Variants in NEO1 observed in about 807,000 individuals in gnomAD.
The protein encoded by NEO1 is neogenin.
A neutral mutation model predicts 159.7 loss-of-function variants in NEO1; 63 were observed. That is an observed-to-expected ratio of 0.39 (90% confidence interval 0.32 to 0.49). The LOEUF is 0.49. Ranked by LOEUF, NEO1 falls within the 20% of genes least tolerant of loss-of-function variation. The probability of loss-of-function intolerance (pLI) is 0.85; values close to 1 mark genes in which losing one functional copy is unlikely to be tolerated. For missense variants in NEO1, 1,615 were observed against 1,831.0 expected (o/e 0.88, Z 2.15); for synonymous variants, 633 against 662.0 (o/e 0.96, Z 0.67).
intron 7 of NEO1, among the ~76,000 whole-genome samples, chr15:73,192,232 G>A (rs953964198): frequency 5.3e-5 from 8 of 151,954 alleles, no homozygotes; most frequent in African/African-American, 1.7e-4. Context: ...GAGCCTATGC[G>A]TGTGTGTTTT....
intron 5 of NEO1, among the ~76,000 whole-genome samples, chr15:73,165,093 A>ATTTT (rs67749428): frequency 9.3e-5 from 12 of 129,098 alleles, no homozygotes; most frequent in Non-Finnish European, 1.1e-4. Context: ...TGCCTGGCCA[A>ATTTT]TTTTTTTTTT....
chr15:73,067,952 G>T (rs1057397014), intron 1 of NEO1, among the ~76,000 whole-genome samples: 1 of 152,010 alleles, frequency 6.6e-6, no homozygotes, highest in Non-Finnish European at 1.5e-5. Flanking sequence ...GTGGGTTCCT[G>T]TTCTAATATT....
intron 5 of NEO1, among the ~76,000 whole-genome samples, chr15:73,158,804 T>C (rs1211706313): frequency 6.6e-6 from 1 of 152,192 alleles, no homozygotes; most frequent in Non-Finnish European, 1.5e-5. Context: ...GAAGCAACCA[T>C]TATTTTTTTC....
intron 1 of NEO1, among the ~76,000 whole-genome samples, chr15:73,058,315 G>C (rs2067816812): frequency 6.6e-6 from 1 of 152,134 alleles, no homozygotes; most frequent in Non-Finnish European, 1.5e-5. Context: ...ACATTCCACA[G>C]ATGAGGAAAC....
chr15:73,224,860 G>A (rs145303574), intron 7 of NEO1, among the ~76,000 whole-genome samples: 68 of 151,946 alleles, frequency 4.5e-4, no homozygotes, highest in Non-Finnish European at 7.4e-5. Flanking sequence ...TGATTTTTTG[G>A]GGGGGGTGTT....
At chr15:73,191,231 ACT>A (rs952288549) in intron 7 of NEO1, among the ~76,000 whole-genome samples, 2 of 152,100 alleles carry the variant, frequency 1.3e-5, no homozygotes, top group Non-Finnish European at 2.9e-5. Flanking sequence ...GTTACCTATA[ACT>A]CTAAACAGTC....
At chr15:73,161,057 T>C (rs1302872182) in intron 5 of NEO1, among the ~76,000 whole-genome samples, 1 of 152,168 alleles carries the variant, frequency 6.6e-6, no homozygotes, top group Non-Finnish European at 1.5e-5. Flanking sequence ...CCAAGAGATT[T>C]AGGGGCTCTG....
chr15:73,226,411 C>T (rs2038593410), intron 7 of NEO1, among the ~76,000 whole-genome samples: 1 of 152,134 alleles, frequency 6.6e-6, no homozygotes, highest in Admixed American at 6.5e-5. Flanking sequence ...GCATTTAATT[C>T]AGGGATGGAT....
In NEO1 at chr15:73,283,108, A is replaced by G. The variant is rs1397671715; in HGVS notation, c.3407A>G (p.Lys1136Arg). Reference protein sequence around the residue: ...FCTRRTTSHQKKKRAACKSVN... With the variant: ...FCTRRTTSHQRKKRAACKSVN... ...ACCCGTCGTACCACCTCTCACCAGA[A>G]AAAGTAAGAAGCCCCAGATGCACCC... Residue 1136 changes from lysine to arginine, a missense_variant, in exon 23 of 29, where the codon AAA becomes AGA. Coordinates refer to ENST00000261908, the MANE Select transcript of NEO1 (RefSeq NM_002499.4). The G allele has an allele frequency of 6.2e-7, 1 of 1,613,996 alleles. No individual in the cohort carries two copies. The highest frequency in any genetic ancestry group is 2.2e-5 in the East Asian group (1 of 44,874).
intron 1 of NEO1, among the ~76,000 whole-genome samples, chr15:73,053,342 G>T (rs2067553394): frequency 6.6e-6 from 1 of 152,156 alleles, no homozygotes; most frequent in South Asian, 2.1e-4. Flanking sequence ...GCGGAAGAGC[G>T]GGGGTGTCAG....
At chr15:73,164,290 T>G (rs2151901924) in intron 5 of NEO1, among the ~76,000 whole-genome samples, 1 of 151,818 alleles carries the variant, frequency 6.6e-6, no homozygotes, top group South Asian at 2.1e-4. Context: ...CTCAGCTCAT[T>G]GCAACTTCCA....
intron 7 of NEO1, among the ~76,000 whole-genome samples, chr15:73,217,941 T>C (rs1190674839): frequency 3.3e-5 from 5 of 152,130 alleles, no homozygotes; most frequent in Admixed American, 1.3e-4. Flanking sequence ...CTAATTGCCC[T>C]GGCCAGAACT....
chr15:73,215,927 G>A (rs918217542), intron 7 of NEO1, among the ~76,000 whole-genome samples: 3 of 151,624 alleles, frequency 2.0e-5, no homozygotes, highest in African/African-American at 2.4e-5. Flanking sequence ...CATTTTTTTT[G>A]TTGGTAATTT....
intron 21 of NEO1, among the ~76,000 whole-genome samples, chr15:73,276,988 A>C (rs1238592372): frequency 2.0e-5 from 3 of 152,190 alleles, no homozygotes; most frequent in East Asian, 3.8e-4. Context: ...AGTCAGTATT[A>C]AAAATATTTT....
chr15:73,118,231 T>C (rs1217518629), intron 2 of NEO1, among the ~76,000 whole-genome samples: 1 of 152,038 alleles, frequency 6.6e-6, no homozygotes, highest in African/African-American at 2.4e-5. Flanking sequence ...CACAGCCTTA[T>C]AAGCATCTGC....
intron 22 of NEO1, 134 bp downstream of exon 22, chr15:73,278,333 T>C: frequency 2.9e-6 from 2 of 679,054 alleles, no homozygotes; most frequent in Non-Finnish European, 4.9e-6. Context: ...TTGCTAGATT[T>C]AAGTGTTTGC....
intron 7 of NEO1, among the ~76,000 whole-genome samples, chr15:73,194,736 A>G (rs1464501937): frequency 1.3e-5 from 2 of 152,208 alleles, no homozygotes; most frequent in African/African-American, 2.4e-5. Context: ...CATGGTACAT[A>G]TTTATTACAT....
At position 73,135,492 on chromosome 15, in the gene NEO1, T is replaced by G. The variant is rs1438585978; in HGVS notation, c.879-399T>G. ...GTTTTCTTTCTGTTATTAATCTCAG[T>G]GTGGCATAGCTGTGGTGGTGTAACT... is the stretch of plus-strand genomic sequence containing the variant. On this transcript the variant is annotated intron_variant, in intron 4 of 28. Transcript: ENST00000261908. Among the ~76,000 whole-genome samples, 6 of 152,324 alleles carry G rather than the reference T, an allele frequency of 3.9e-5. No homozygotes were observed. In the East Asian group the frequency reaches 1.2e-3, roughly 29 times the overall value.
intron 7 of NEO1, among the ~76,000 whole-genome samples, chr15:73,221,047 C>G (rs967505847): frequency 3.9e-5 from 6 of 152,112 alleles, no homozygotes; most frequent in Admixed American, 6.5e-5. Context: ...TTTTCCCCAT[C>G]TTTGTGGTTT....
Sources: allele counts gnomAD v4.1 joint callset (sites outside exome capture counted in the v4.1 genomes callset), GRCh38; gene constraint gnomAD v4.1.1; transcripts MANE v1.5; gene names NCBI Gene and HGNC (gene_info 2026-07-23, HGNC 2026-07-21).